Variants in LUZP2 observed in about 807,000 individuals in gnomAD.
LUZP2 encodes leucine zipper protein 2.
In LUZP2, 52 loss-of-function variants were observed where a neutral mutation model predicts 51.6. That is an observed-to-expected ratio of 1.01 (90% CI 0.81 to 1.27). The LOEUF is 1.27. Ranked by LOEUF, LUZP2 falls within the 50% of genes most tolerant of loss-of-function variation. The pLI, the probability that LUZP2 is intolerant of heterozygous loss-of-function variation, is 0.00. For missense variants in LUZP2, 436 were observed against 395.4 expected (o/e 1.10, Z -0.87); for synonymous variants, 154 against 137.3 (o/e 1.12, Z -0.85).
At chr11:25,038,808 A>G (rs75269510) in intron 9 of LUZP2, among the ~76,000 whole-genome samples, 4,705 of 152,274 alleles carry the variant, frequency 0.031, 214 homozygotes, top group African/African-American at 0.1. Context: ...AATCGAATAT[A>G]GTCAGTTGGC....
chr11:24,782,312 T>C (rs1849117957), intron 5 of LUZP2, among the ~76,000 whole-genome samples: 1 of 152,028 alleles, frequency 6.6e-6, no homozygotes, highest in East Asian at 1.9e-4. Flanking sequence ...ACAGTCTATA[T>C]TGGGCCTCAT....
intron 1 of LUZP2, among the ~76,000 whole-genome samples, chr11:24,597,746 T>C (rs115959777): frequency 0.01 from 1,592 of 152,306 alleles, 28 homozygotes; most frequent in African/African-American, 0.036. Context: ...TTATATGGTA[T>C]CACATTAGAA....
intron 5 of LUZP2, among the ~76,000 whole-genome samples, chr11:24,866,113 TACACACAC>T (rs60308723): frequency 0.12 from 18,283 of 146,618 alleles, 1,170 homozygotes; most frequent in Admixed American, 0.14. Context: ...CTGCATTTCA[TACACACAC>T]ACACACACAC....
chr11:24,979,877 A>T (rs1038374662), intron 8 of LUZP2, among the ~76,000 whole-genome samples: 1 of 151,846 alleles, frequency 6.6e-6, no homozygotes, highest in Non-Finnish European at 1.5e-5. Context: ...TGACTGAGTA[A>T]TACAGAATGA....
At chr11:24,812,158 T>C (rs1158121298) in intron 5 of LUZP2, among the ~76,000 whole-genome samples, 1 of 152,158 alleles carries the variant, frequency 6.6e-6, no homozygotes, top group Non-Finnish European at 1.5e-5. Flanking sequence ...GTATAAAATA[T>C]GTATTTTTTA....
intron 1 of LUZP2, among the ~76,000 whole-genome samples, chr11:24,579,134 A>T (rs959983955): frequency 1.3e-5 from 2 of 152,162 alleles, no homozygotes; most frequent in Admixed American, 1.3e-4. Context: ...CATTAAATCA[A>T]TAGGAATTAG....
chr11:24,650,063 T>A (rs1855581014), intron 1 of LUZP2, among the ~76,000 whole-genome samples: 1 of 151,636 alleles, frequency 6.6e-6, no homozygotes, highest in South Asian at 2.1e-4. Flanking sequence ...TGTTCCAAGC[T>A]ATTAAGGCCT....
chr11:24,986,498 G>T (rs1271959120), intron 9 of LUZP2, among the ~76,000 whole-genome samples: 1 of 150,674 alleles, frequency 6.6e-6, no homozygotes, highest in East Asian at 2.0e-4. Context: ...CTATAAATCA[G>T]GGTCCTCCTA....
At chr11:24,917,371 G>T (rs1182755666) in intron 7 of LUZP2, among the ~76,000 whole-genome samples, 1 of 152,068 alleles carries the variant, frequency 6.6e-6, no homozygotes, top group Non-Finnish European at 1.5e-5. Context: ...GACTTTTGTT[G>T]CCATTGCTTT....
chr11:24,504,320 G>T (rs2133758182), intron 1 of LUZP2, among the ~76,000 whole-genome samples: 1 of 152,224 alleles, frequency 6.6e-6, no homozygotes, highest in Non-Finnish European at 1.5e-5. Flanking sequence ...TTTAATATAA[G>T]GTTACATTAC....
intron 5 of LUZP2, among the ~76,000 whole-genome samples, chr11:24,841,132 G>A: frequency 6.6e-6 from 1 of 151,840 alleles, no homozygotes; most frequent in East Asian, 1.9e-4. Flanking sequence ...CCAATGGGAT[G>A]GTATTAGGAG....
chr11:24,735,220 G>A (rs1239899987), intron 3 of LUZP2, among the ~76,000 whole-genome samples: 1 of 151,876 alleles, frequency 6.6e-6, no homozygotes, highest in Non-Finnish European at 1.5e-5. Flanking sequence ...GTGAGAGAAA[G>A]AGTGAGAAAA....
At chr11:24,682,543 A>ATGTATATATACATATACAG (rs1554972905) in intron 1 of LUZP2, among the ~76,000 whole-genome samples, 1 of 144,082 alleles carries the variant, frequency 6.9e-6, no homozygotes, top group Non-Finnish European at 1.5e-5. Context: ...CAGTGTGTAT[A>ATGTATATATACATATACAG]TGTATATATA....
At chr11:25,051,952 G>A (rs1017062162) in intron 10 of LUZP2, among the ~76,000 whole-genome samples, 4 of 151,974 alleles carry the variant, frequency 2.6e-5, no homozygotes, top group African/African-American at 9.7e-5. Flanking sequence ...TACTTGTGTT[G>A]TTCTCCTTTG....
chr11:24,585,602 TA>T (rs535769158), intron 1 of LUZP2, among the ~76,000 whole-genome samples: 1 of 152,056 alleles, frequency 6.6e-6, no homozygotes, highest in African/African-American at 2.4e-5. Flanking sequence ...TTTAGAATGT[TA>T]AAAAAACAAA....
chr11:24,711,340 C>T (rs1857815098), intron 1 of LUZP2, among the ~76,000 whole-genome samples: 1 of 151,958 alleles, frequency 6.6e-6, no homozygotes, highest in African/African-American at 2.4e-5. Flanking sequence ...GTCCCAGCTG[C>T]TGGGGAGGCT....
At chr11:24,504,203 G>A (rs1850084098) in intron 1 of LUZP2, among the ~76,000 whole-genome samples, 1 of 152,160 alleles carries the variant, frequency 6.6e-6, no homozygotes, top group Non-Finnish European at 1.5e-5. Flanking sequence ...GACATTTGCT[G>A]ATATAAATCT....
intron 7 of LUZP2, among the ~76,000 whole-genome samples, chr11:24,956,527 A>G (rs1209566584): frequency 6.6e-6 from 1 of 152,162 alleles, no homozygotes; most frequent in Admixed American, 6.5e-5. Context: ...TCAATTTTAT[A>G]CATGCTGTTT....
At chr11:25,012,480 C>A (rs77921979) in intron 9 of LUZP2, among the ~76,000 whole-genome samples, 4 of 152,148 alleles carry the variant, frequency 2.6e-5, no homozygotes, top group African/African-American at 9.7e-5. Flanking sequence ...ATTTTTACTT[C>A]CTTCTTTGCC....
Sources: allele counts gnomAD v4.1 joint callset (sites outside exome capture counted in the v4.1 genomes callset), GRCh38; gene constraint gnomAD v4.1.1; transcripts MANE v1.5; gene names NCBI Gene and HGNC (gene_info 2026-07-23, HGNC 2026-07-21).